HSPG2: variants seen among roughly 807,000 people sequenced by gnomAD.
The protein encoded by HSPG2 is heparan sulfate proteoglycan 2.
HSPG2 carries 278 observed loss-of-function variants against 526.6 expected under a neutral mutation model. That is an observed-to-expected ratio of 0.53 (90% CI 0.48 to 0.58). HSPG2 has a LOEUF of 0.58. Among genes scored for constraint, HSPG2 ranks in the 20% least tolerant of loss-of-function variants. The probability of loss-of-function intolerance (pLI) is 0.00; values close to 1 mark genes in which losing one functional copy is unlikely to be tolerated. For missense variants in HSPG2, 5,354 were observed against 6,099.5 expected, an observed-to-expected ratio of 0.88 and a Z score of 4.07; for synonymous variants, 2,465 against 2,555.4, an observed-to-expected ratio of 0.96 and a Z score of 1.07.
In HSPG2 at chr1:21,878,595, G is replaced by T; in HGVS notation, c.2540C>A (p.Thr847Asn). Residue 847 changes from threonine (T) to asparagine (N), a missense_variant, in exon 19 of 97, where the codon ACT becomes AAT. By Grantham distance (65) the Thr-to-Asn change is moderately conservative. Coordinates refer to ENST00000374695, the MANE Select transcript of HSPG2 (RefSeq NM_005529.7). The part of the protein sequence containing the change: ...ATCDACAPGY[T>N]GRRCESCAPG... ...CCCTCACCTCTCACAGCGGCGGCCA[G>T]TGTAGCCTGGGGCACAGGCGTCACA... 6.2e-7 allele frequency: 1 copy of T among 1,614,142 alleles called. No individual in the cohort carries two copies. Among genetic ancestry groups the T allele is most frequent in the Non-Finnish European group, 8.5e-7 (1 of 1,180,024 alleles).
In HSPG2 at chr1:21,887,762, A is replaced by G. The variant is rs919968481; in HGVS notation, c.704-88T>C. The G allele has an allele frequency of 9.1e-6, 14 of 1,536,632 alleles. No homozygotes were observed. The Admixed American group carries it at 2.4e-4, about 26-fold the overall frequency. On this transcript the variant is annotated intron_variant, in intron 7 of 96. Coordinates refer to ENST00000374695, the MANE Select transcript of HSPG2 (RefSeq NM_005529.7). The surrounding 1 kb of genome is among the most constrained non-coding windows in gnomAD (Gnocchi z 5.0). Reference sequence around the variant, plus strand: ...CCAACCCTCCCCAGGCCCACCCTGTACTCCCCAACACCACTCCCTGCCACC... The same window carrying G: ...CCAACCCTCCCCAGGCCCACCCTGTGCTCCCCAACACCACTCCCTGCCACC...
rs1292880003 is a variant in HSPG2 at position 21,881,494 on chromosome 1, C to T, written c.1663G>A (p.Val555Met). Residue 555 changes from valine to methionine, a missense_variant, in exon 14 of 97, where the codon GTG becomes ATG. Transcript: ENST00000374695. Reference sequence around the variant, plus strand: ...GTGCCGGGCTGCGCAGGCATTGTCACATTCACACCTGTGGGTGGCAAGGGG... The same window carrying T: ...GTGCCGGGCTGCGCAGGCATTGTCATATTCACACCTGTGGGTGGCAAGGGG... ...DQPDDFKGVNVTMPAQPGTPP... is the reference protein window; with the variant it reads ...DQPDDFKGVNMTMPAQPGTPP... The T allele has an allele frequency of 3.1e-6, 5 of 1,611,556 alleles. No homozygotes were observed. In the East Asian group the frequency reaches 1.1e-4, roughly 36 times the overall value.
In HSPG2 at chr1:21,848,846, G is replaced by A. The variant is rs530341349; in HGVS notation, c.7585+47C>T. 2.5e-6 allele frequency: 4 copies of A among 1,613,010 alleles called. No homozygotes were observed. Among genetic ancestry groups the A allele is most frequent in the Admixed American group, 1.7e-5 (1 of 60,010 alleles). ...TGTGGGAGCTGCTGAGGGTGCAGTCGGGGTCCCCCAGCCCTCCACCATTTG... is the reference window on the plus strand; with the variant it reads ...TGTGGGAGCTGCTGAGGGTGCAGTCAGGGTCCCCCAGCCCTCCACCATTTG... On this transcript the variant is annotated intron_variant, in intron 58 of 96. Coordinates refer to ENST00000374695, the MANE Select transcript of HSPG2 (RefSeq NM_005529.7). The surrounding 1 kb of genome is among the most constrained non-coding windows in gnomAD (Gnocchi z 4.9).
intron 37 of HSPG2, among the ~76,000 whole-genome samples, chr1:21,863,383 AAAAAG>A (rs1398220004): frequency 2.6e-5 from 4 of 151,862 alleles, no homozygotes; most frequent in Non-Finnish European, 5.9e-5. Flanking sequence ...AAAAAAAAAG[AAAAAG>A]AAAAGAAAAA....
Position 21,872,997 on chromosome 1 carries a change from C to T in HSPG2, c.3888G>A (p.Lys1296=). 6.2e-7 allele frequency: 1 copy of T among 1,611,222 alleles called. No homozygotes were observed. The highest frequency in any genetic ancestry group is 8.5e-7 in the Non-Finnish European group (1 of 1,179,672). The change falls in exon 31 of 97, where the codon AAG becomes AAA. Residue 1296 remains lysine (K), a splice_region_variant and synonymous_variant. Transcript: ENST00000374695. The surrounding 1 kb of genome is among the most constrained non-coding windows in gnomAD (Gnocchi z 5.5). ...QCDAAGQCQC[K]AQVEGLTCSH... ...CGCAGGGACAGGGATTCGGACTGAC[C>T]TTGCACTGGCACTGACCAGCAGCAT...
rs146525160 is a variant in HSPG2, at chr1:21,838,043, C to T, written c.10150+782G>A. Reference sequence around the variant, plus strand: ...GCCAGCTACTCGGGAGGCTGAGGCACGAGAAAGGCTTGAACTCGGGAGATG... The same window carrying T: ...GCCAGCTACTCGGGAGGCTGAGGCATGAGAAAGGCTTGAACTCGGGAGATG... On this transcript the variant is annotated intron_variant, in intron 74 of 96. Transcript: ENST00000374695. 3.9e-3 allele frequency among the ~76,000 whole-genome samples: 557 copies of T among 142,814 alleles called. 2 individuals are homozygous for T. Among genetic ancestry groups the T allele is most frequent in the South Asian group, 0.018 (82 of 4,604 alleles). 93.7% of individuals were successfully genotyped at this position (142,814 alleles called of 152,430 possible).
Position 21,853,080 on chromosome 1 carries a change from G to C in HSPG2, c.6440-10C>G. On this transcript the variant is annotated splice_polypyrimidine_tract_variant and intron_variant, in intron 50 of 96. Transcript: ENST00000374695. ...CGGGTGCTGCCGGGCACTGGACACA[G>C]AGCGGCTGCTCAGAGGCCTGAACTC... 4 of 1,613,662 alleles carry C rather than the reference G, an allele frequency of 2.5e-6. No homozygotes were observed. The highest frequency in any genetic ancestry group is 3.4e-6 in the Non-Finnish European group (4 of 1,179,920).
Position 21,897,268 on chromosome 1 carries a change from A to G in HSPG2, c.64-958T>C, listed in dbSNP as rs369695761. On this transcript the variant is annotated intron_variant, in intron 1 of 96. Transcript: ENST00000374695. ...TGGCTGGACCCCAGATTCCACAAGC[A>G]CAAGTATGCACAGACTGGCAATGGC... Among the ~76,000 whole-genome samples the G allele has an allele frequency of 7.2e-5, 11 of 152,338 alleles. No individual in the cohort carries two copies. The East Asian group carries it at 2.1e-3, about 29-fold the overall frequency.
At chr1:21,915,189 G>A (rs1006658425) in intron 1 of HSPG2, among the ~76,000 whole-genome samples, 1 of 67,728 alleles carries the variant, frequency 1.5e-5, no homozygotes, top group Non-Finnish European at 3.6e-5. Flanking sequence ...GCGCGTTAGA[G>A]CGGGCAGGGT....
chr1:21,864,203 G>T lies in HSPG2; in HGVS notation c.4637C>A (p.Pro1546His). Residue 1546 changes from proline to histidine, a missense_variant, in exon 37 of 97, where the codon CCC becomes CAC. Pro to His is a moderately conservative substitution (Grantham distance 77). Coordinates refer to ENST00000374695, the MANE Select transcript of HSPG2 (RefSeq NM_005529.7). This position sits in a 1 kb window ranked among gnomAD's most constrained non-coding sequence, Gnocchi z 4.8. ...CCCACTCCCGGTGCGCGTGTAGCCG[G>T]GGGCACAGTCCTAGGGGCAGAGAGG... is the stretch of plus-strand genomic sequence containing the variant. ...YIGLSCQDCA[P>H]GYTRTGSGLY... is the part of the protein sequence containing the mutation. 6.4e-7 allele frequency: 1 copy of T among 1,551,968 alleles called. No individual in the cohort carries two copies. The highest frequency in any genetic ancestry group is 1.2e-5 in the South Asian group (1 of 84,082).
chr1:21,848,808 A>T lies in HSPG2; in HGVS notation c.7586-14T>A, dbSNP rs1250683919. On this transcript the variant is annotated splice_polypyrimidine_tract_variant and intron_variant, in intron 58 of 96. Transcript: ENST00000374695. This position sits in a 1 kb window ranked among gnomAD's most constrained non-coding sequence, Gnocchi z 4.9. ...CCACACCCTGGGCTGGGAGGGTGAG[A>T]TGTAAGGCAGGGTGTGGGAGCTGCT... is the stretch of plus-strand genomic sequence containing the variant. The T allele has an allele frequency of 6.2e-7, 1 of 1,612,940 alleles. No individual in the cohort carries two copies. The highest frequency in any genetic ancestry group is 8.5e-7 in the Non-Finnish European group (1 of 1,179,830).
At chr1:21,855,071 A>T in intron 47 of HSPG2, 88 bp from the exon 48 acceptor site, 1 of 1,531,022 alleles carries the variant, frequency 6.5e-7, no homozygotes, top group African/African-American at 1.4e-5. Context: ...AGGGAGAGGC[A>T]GGTGCAGGGC....
At chr1:21,830,342 T>C in intron 85 of HSPG2, 1 of 532,910 alleles carries the variant, frequency 1.9e-6, no homozygotes, top group Non-Finnish European at 3.4e-6. Context: ...TGGACAGTGT[T>C]GGAGGGGGAG....
chr1:21,848,980 C>A lies in HSPG2; in HGVS notation c.7498G>T (p.Glu2500Ter). ...LLQVTPADSG[E>*]YVCRVVGSSG... Reference sequence around the variant, plus strand: ...CTGCCGACCACACGGCACACGTACTCCCCTGAATCAGCTGGGGTCACCTGG... The same window carrying A: ...CTGCCGACCACACGGCACACGTACTACCCTGAATCAGCTGGGGTCACCTGG... Residue 2500 changes from glutamate (E) to a stop codon, truncating the protein, a stop_gained, in exon 58 of 97, where the codon GAG becomes TAG. Transcript: ENST00000374695. LOFTEE classifies it high-confidence loss of function. This position sits in a 1 kb window ranked among gnomAD's most constrained non-coding sequence, Gnocchi z 4.9. The A allele has an allele frequency of 6.2e-7, 1 of 1,614,066 alleles. No homozygotes were observed. The highest frequency in any genetic ancestry group is 8.5e-7 in the Non-Finnish European group (1 of 1,180,024).
rs1421851266 is a variant in HSPG2 at position 21,824,846 on chromosome 1, CT to C, written c.12590-68del. The C allele has an allele frequency of 7.1e-7, 1 of 1,415,274 alleles. No individual in the cohort carries two copies. The highest frequency in any genetic ancestry group is 9.8e-7 in the Non-Finnish European group (1 of 1,020,684). The allele number at this position is 1,415,274 out of a possible 1,614,324, so 87.7% of individuals were successfully genotyped here. A position where few individuals can be genotyped will look rare whatever the true frequency, so the allele number is the denominator to read the frequency against. On this transcript the variant is annotated intron_variant, in intron 91 of 96. Transcript: ENST00000374695. The surrounding 1 kb of genome is among the most constrained non-coding windows in gnomAD (Gnocchi z 5.9). ...GCATCAAAATCCCCCGTCAGTTCCCCTGACCCCCACCTCCACGCCAACATGC... is the reference window on the plus strand; with the variant it reads ...GCATCAAAATCCCCCGTCAGTTCCCCGACCCCCACCTCCACGCCAACATGC...
At position 21,859,809 on chromosome 1, in the gene HSPG2, G is replaced by A. The variant is rs1022470056; in HGVS notation, c.5182+26C>T. The A allele has an allele frequency of 2.5e-6, 4 of 1,609,250 alleles. No individual in the cohort carries two copies. The African/African-American group carries it at 4.0e-5, about 16-fold the overall frequency. ...CCCTCCCACTGGGATGGCTCTTGGG[G>A]CTGAGGAGCCTAGGGCCATGGGTAC... On this transcript the variant is annotated intron_variant, in intron 41 of 96. Coordinates refer to ENST00000374695, the MANE Select transcript of HSPG2 (RefSeq NM_005529.7). The surrounding 1 kb of genome is among the most constrained non-coding windows in gnomAD (Gnocchi z 5.3).
intron 13 of HSPG2, 135 bp from the exon 14 acceptor site, chr1:21,881,637 C>A: frequency 1.2e-6 from 1 of 863,078 alleles, no homozygotes. Flanking sequence ...ATCTCTCTTC[C>A]AAAGTGAAGA....
intron 52 of HSPG2, 74 bp downstream of exon 52, chr1:21,852,626 G>A: frequency 6.3e-7 from 1 of 1,597,104 alleles, no homozygotes; most frequent in Non-Finnish European, 8.6e-7. Flanking sequence ...TCAGCAAGAG[G>A]GGTCCCTTGG....
Position 21,823,371 on chromosome 1 carries a change from AG to A in HSPG2, c.13120del (p.Leu4374TrpfsTer42). On this transcript the variant is annotated frameshift_variant, in exon 97 of 97. Transcript: ENST00000374695. LOFTEE classifies it high-confidence loss of function. ...GGCCTGGGCGCGGTGCTGCAGGTCC[AG>A]GGGCTGTGGGGGCGGGGCGCCGGGT... ...ARPGAPPPQP[L>X]DLQHRAQAGA... is the part of the protein sequence containing the mutation. 1 of 1,551,006 alleles carries A rather than the reference AG, an allele frequency of 6.4e-7. No homozygotes were observed.
Sources: allele counts gnomAD v4.1 joint callset (sites outside exome capture counted in the v4.1 genomes callset), GRCh38; gene constraint gnomAD v4.1.1; non-coding constraint Gnocchi (gnomAD v3.1); transcripts MANE v1.5; gene names NCBI Gene and HGNC (gene_info 2026-07-23, HGNC 2026-07-21).